DEPDC1B: variants seen among roughly 807,000 people sequenced by gnomAD.
DEPDC1B encodes DEP domain-containing protein 1B.
DEPDC1B carries 51 observed loss-of-function variants against 66.5 expected under a neutral mutation model. That is an observed-to-expected ratio of 0.77 (90% CI 0.61 to 0.97). The LOEUF is 0.97. DEPDC1B is among the 50% of genes least tolerant of loss of function. The pLI is 0.00. For synonymous variants in DEPDC1B, 226 were observed against 223.6 expected, an observed-to-expected ratio of 1.01 and a Z score of -0.10; for missense variants, 552 against 637.1, an observed-to-expected ratio of 0.87 and a Z score of 1.44.
intron 2 of DEPDC1B, among the ~76,000 whole-genome samples, chr5:60,658,760 C>T (rs1424078610): frequency 6.6e-6 from 1 of 152,200 alleles, no homozygotes; most frequent in Admixed American, 6.5e-5. Context: ...CAGCAACCCC[C>T]TTAGGGTCCC....
At chr5:60,699,842 C>A (rs1019585353) in intron 1 of DEPDC1B, among the ~76,000 whole-genome samples, 1 of 152,262 alleles carries the variant, frequency 6.6e-6, no homozygotes, top group South Asian at 2.1e-4. Flanking sequence ...CTGCACTAAC[C>A]CCCGGCCGGC....
chr5:60,672,076 C>G (rs1348136844), intron 2 of DEPDC1B, among the ~76,000 whole-genome samples: 1 of 152,218 alleles, frequency 6.6e-6, no homozygotes, highest in Non-Finnish European at 1.5e-5. Context: ...GTTATATGAC[C>G]TGCAAATATT....
At position 60,644,882 on chromosome 5, in the gene DEPDC1B, GA is replaced by G; in HGVS notation, c.579-8del. 5.7e-6 allele frequency: 9 copies of G among 1,585,300 alleles called. No homozygotes were observed. Among genetic ancestry groups the G allele is most frequent in the Non-Finnish European group, 7.7e-6 (9 of 1,164,014 alleles). ...GCCAAGAATTTTCTGTAAGCTAAAA[GA>G]TAAGTAATTATATTAATTAGTTCTG... On this transcript the variant is annotated splice_region_variant and splice_polypyrimidine_tract_variant and intron_variant, in intron 4 of 10. Coordinates refer to ENST00000265036, the MANE Select transcript of DEPDC1B (RefSeq NM_018369.3).
intron 1 of DEPDC1B, chr5:60,687,833 T>C (rs775330642): frequency 4.8e-6 from 1 of 208,292 alleles, no homozygotes; most frequent in Non-Finnish European, 1.0e-5. Context: ...GCCTCAAAAA[T>C]AGAAACTATT....
At position 60,638,767 on chromosome 5, in the gene DEPDC1B, G is replaced by A. The variant is rs766371871; in HGVS notation, c.881C>T (p.Ala294Val). Residue 294 changes from alanine (A) to valine (V), a missense_variant, in exon 7 of 11, where the codon GCT becomes GTT. Physicochemically the swap from Ala to Val is moderately conservative, Grantham distance 64 (BLOSUM62 0). Coordinates refer to ENST00000265036, the MANE Select transcript of DEPDC1B (RefSeq NM_018369.3). ...EPLLTFHLFD[A>V]FVSVLGLLQK... The stretch of plus-strand genomic sequence containing the variant: ...CAACTTACCCAGTACACTGACAAAA[G>A]CATCAAAAAGATGAAATGTAAGTAG... 3 of 1,610,128 alleles carry A rather than the reference G, an allele frequency of 1.9e-6. No individual in the cohort carries two copies. The highest frequency in any genetic ancestry group is 2.2e-5 in the East Asian group (1 of 44,574).
At chr5:60,639,347 T>C (rs147143054) in intron 6 of DEPDC1B, among the ~76,000 whole-genome samples, 27 of 152,320 alleles carry the variant, frequency 1.8e-4, no homozygotes, top group African/African-American at 6.0e-4. Context: ...CATTATTTCA[T>C]TCTTGTTATA....
intron 2 of DEPDC1B, among the ~76,000 whole-genome samples, chr5:60,655,374 A>T (rs533238292): frequency 1.4e-4 from 21 of 148,822 alleles, no homozygotes; most frequent in Non-Finnish European, 2.8e-4. Context: ...TATTTTCAGA[A>T]ATTTATACAT....
chr5:60,667,990 A>ATTATATATATAAAATGGATATT (rs1561384529), intron 2 of DEPDC1B, among the ~76,000 whole-genome samples: 8 of 107,730 alleles, frequency 7.4e-5, no homozygotes, highest in Non-Finnish European at 1.3e-4. Flanking sequence ...TAAAATGGAT[A>ATTATATATATAAAATGGATATT]TTATATATAT....
intron 7 of DEPDC1B, among the ~76,000 whole-genome samples, chr5:60,630,305 C>T (rs771304711): frequency 1.3e-5 from 2 of 152,210 alleles, no homozygotes; most frequent in Non-Finnish European, 2.9e-5. Flanking sequence ...CGAGTCAGCT[C>T]CTTGCCCAGA....
intron 10 of DEPDC1B, among the ~76,000 whole-genome samples, chr5:60,598,658 G>A (rs1270760224): frequency 6.6e-6 from 1 of 152,188 alleles, no homozygotes; most frequent in Non-Finnish European, 1.5e-5. Context: ...TTTGATAGTG[G>A]CTATCTAAAA....
Position 60,604,218 on chromosome 5 carries a change from C to CTTTTTTTTTTTTTTTTTTT in DEPDC1B, c.1066-670_1066-652dup, listed in dbSNP as rs869142199. The stretch of plus-strand genomic sequence containing the variant: ...TTCCATAGAATTGAAATTAACTATT[C>CTTTTTTTTTTTTTTTTTTT]TTTTTTTTTTTTTTTTTTTTTTTAC... On this transcript the variant is annotated intron_variant, in intron 8 of 10. Coordinates refer to ENST00000265036, the MANE Select transcript of DEPDC1B (RefSeq NM_018369.3). Among the ~76,000 whole-genome samples the CTTTTTTTTTTTTTTTTTTT allele has an allele frequency of 2.8e-3, 192 of 68,954 alleles. 51 individuals carry two copies. The highest frequency in any genetic ancestry group is 8.7e-3 in the East Asian group (16 of 1,844). 45.2% of individuals were successfully genotyped at this position (68,954 alleles called of 152,430 possible). A position where few individuals can be genotyped will look rare whatever the true frequency, so the allele number is the denominator to read the frequency against.
intron 2 of DEPDC1B, among the ~76,000 whole-genome samples, chr5:60,648,324 T>C (rs2111891974): frequency 6.6e-6 from 1 of 152,320 alleles, no homozygotes; most frequent in East Asian, 1.9e-4. Context: ...TAAATTTACC[T>C]TCCCACACCT....
At chr5:60,604,215 A>ATTTTTTTTTTTTTTTTTTT (rs1323826916) in intron 8 of DEPDC1B, among the ~76,000 whole-genome samples, 34 of 60,056 alleles carry the variant, frequency 5.7e-4, no homozygotes, top group Non-Finnish European at 1.0e-3. Context: ...GAAATTAACT[A>ATTTTTTTTTTTTTTTTTTT]TTCTTTTTTT....
chr5:60,691,146 C>T (rs772702294), intron 1 of DEPDC1B, among the ~76,000 whole-genome samples: 12 of 152,010 alleles, frequency 7.9e-5, no homozygotes, highest in Non-Finnish European at 1.5e-4. Flanking sequence ...CTCCGCCTCC[C>T]GGGTTCAAGC....
chr5:60,656,495 GTGC>G (rs1753579882), intron 2 of DEPDC1B, among the ~76,000 whole-genome samples: 1 of 152,128 alleles, frequency 6.6e-6, no homozygotes, highest in African/African-American at 2.4e-5. Context: ...GATTTGTTTA[GTGC>G]TGCCAGTGGA....
chr5:60,674,551 C>T (rs1295665256), intron 2 of DEPDC1B, among the ~76,000 whole-genome samples: 1 of 152,146 alleles, frequency 6.6e-6, no homozygotes, highest in Non-Finnish European at 1.5e-5. Context: ...TACAAAGGAT[C>T]CTGAACTCAA....
chr5:60,631,306 C>T (rs1003694948), intron 7 of DEPDC1B, among the ~76,000 whole-genome samples: 1 of 152,220 alleles, frequency 6.6e-6, no homozygotes, highest in Non-Finnish European at 1.5e-5. Context: ...ATATGATTAG[C>T]CCCTGGACAT....
At chr5:60,619,200 C>G (rs906996311) in intron 7 of DEPDC1B, among the ~76,000 whole-genome samples, 2 of 152,196 alleles carry the variant, frequency 1.3e-5, no homozygotes, top group African/African-American at 4.8e-5. Flanking sequence ...TGGGCAAAAA[C>G]TGGAAGCATT....
At chr5:60,619,708 T>A (rs1431263288) in intron 7 of DEPDC1B, among the ~76,000 whole-genome samples, 1 of 152,192 alleles carries the variant, frequency 6.6e-6, no homozygotes, top group Non-Finnish European at 1.5e-5. Flanking sequence ...AAAATGGCCA[T>A]ACTGCCCAAG....
Sources: allele counts gnomAD v4.1 joint callset (sites outside exome capture counted in the v4.1 genomes callset), GRCh38; gene constraint gnomAD v4.1.1; transcripts MANE v1.5; gene names NCBI Gene and HGNC (gene_info 2026-07-23, HGNC 2026-07-21).